The following NRG4 variants were observed in gnomAD, a reference collection of about 807,000 sequenced individuals.
The protein encoded by NRG4 is neuregulin 4.
Under a neutral mutation model 15.0 loss-of-function variants are expected in NRG4, and 10 were observed. That is an observed-to-expected ratio of 0.67 (90% CI 0.41 to 1.13). The LOEUF (loss-of-function observed/expected upper bound fraction) is 1.13, where lower values mean the gene tolerates loss of function less well. NRG4 is among the 50% of genes most tolerant of loss of function. The probability of loss-of-function intolerance (pLI) is 0.00; values close to 1 mark genes in which losing one functional copy is unlikely to be tolerated. For missense variants in NRG4, 139 were observed against 140.2 expected (o/e 0.99, Z 0.04); for synonymous variants, 41 against 50.1 (o/e 0.82, Z 0.77).
At chr15:75,952,135 G>A (rs2031938396) in intron 5 of NRG4, among the ~76,000 whole-genome samples, 1 of 151,988 alleles carries the variant, frequency 6.6e-6, no homozygotes, top group South Asian at 2.1e-4. Context: ...CAATTCAATG[G>A]CTTTTAGTAT....
intron 3 of NRG4, chr15:76,005,833 G>A: frequency 2.5e-6 from 1 of 400,946 alleles, no homozygotes; most frequent in South Asian, 2.0e-5. Context: ...GAAAGAGGAG[G>A]AGTTGGCAGG....
intron 2 of NRG4, chr15:76,053,396 C>G (rs1465679931): frequency 6.6e-6 from 1 of 150,768 alleles, no homozygotes; most frequent in Non-Finnish European, 1.5e-5. Context: ...ATAACTATAA[C>G]TCCCCAATGG....
chr15:76,029,228 G>A (rs1179764063), intron 5 of NRG4, among the ~76,000 whole-genome samples: 2 of 152,124 alleles, frequency 1.3e-5, no homozygotes, highest in Non-Finnish European at 1.5e-5. Context: ...GTGCAGAAAA[G>A]AGCATTTGAT....
chr15:75,997,757 G>A (rs1050447625), intron 3 of NRG4, among the ~76,000 whole-genome samples: 2 of 152,148 alleles, frequency 1.3e-5, no homozygotes, highest in Non-Finnish European at 2.9e-5. Flanking sequence ...CCTGACACCT[G>A]GAGAACATGG....
chr15:76,006,482 T>G (rs913568360), intron 3 of NRG4, among the ~76,000 whole-genome samples: 1 of 152,164 alleles, frequency 6.6e-6, no homozygotes, highest in African/African-American at 2.4e-5. Context: ...TTTTTATCCT[T>G]TTTTCTCAGT....
At chr15:76,026,723 G>A (rs1168003877) in intron 5 of NRG4, among the ~76,000 whole-genome samples, 1 of 152,090 alleles carries the variant, frequency 6.6e-6, no homozygotes, top group East Asian at 1.9e-4. Flanking sequence ...AAAACTACCA[G>A]AAAACAAACA....
chr15:75,941,136 A>C lies in NRG4; in HGVS notation c.*2502T>G, dbSNP rs1311847984. 1 of 152,198 alleles carries C rather than the reference A, an allele frequency of 6.6e-6. No individual in the cohort carries two copies. The highest frequency in any genetic ancestry group is 1.5e-5 in the Non-Finnish European group (1 of 67,994). The allele number at this position is 152,198 out of a possible 1,614,324, so 9.4% of individuals were successfully genotyped here. On this transcript the variant is annotated 3_prime_UTR_variant, in exon 6 of 6. Transcript: ENST00000394907. ...AAAAAATGGCAAAGGATTTGGATAG[A>C]TCTCCAGAGAGGACATGCAGATAGC...
upstream of NRG4, among the ~76,000 whole-genome samples, chr15:76,013,792 G>A (rs545804591): frequency 5.8e-4 from 88 of 152,226 alleles, no homozygotes; most frequent in Non-Finnish European, 9.4e-4. Context: ...GAACAGTGCC[G>A]CAATAAACAT....
chr15:75,987,443 C>A (rs2033837029), intron 3 of NRG4, among the ~76,000 whole-genome samples: 1 of 152,118 alleles, frequency 6.6e-6, no homozygotes, highest in South Asian at 2.1e-4. Flanking sequence ...ATGTTGAAAT[C>A]ATACCTCCAA....
chr15:76,040,614 C>T (rs767045144), intron 4 of NRG4, among the ~76,000 whole-genome samples: 1 of 152,030 alleles, frequency 6.6e-6, no homozygotes, highest in East Asian at 1.9e-4. Context: ...AAATGATGAA[C>T]CAATCAAAAA....
intron 3 of NRG4, among the ~76,000 whole-genome samples, chr15:76,005,317 G>A (rs1252923568): frequency 1.3e-5 from 2 of 151,128 alleles, no homozygotes; most frequent in Non-Finnish European, 2.9e-5. Flanking sequence ...AGGAGTTTGA[G>A]GTTGCAGTGA....
chr15:76,039,952 T>G, intron 4 of NRG4, among the ~76,000 whole-genome samples: 1 of 152,088 alleles, frequency 6.6e-6, no homozygotes, highest in Non-Finnish European at 1.5e-5. Context: ...GAGAATCATT[T>G]GAACCCGGAG....
rs531263444 is a variant in NRG4 at position 76,010,758 on chromosome 15, G to A, written c.10+463C>T. On this transcript the variant is annotated intron_variant, in intron 2 of 5. Coordinates refer to ENST00000394907, the MANE Select transcript of NRG4 (RefSeq NM_138573.4). Reference sequence around the variant, plus strand: ...TTAACATTACATCAGCATCAAAGGCGTCATCATATATGGTTTTCCACTGAG... The same window carrying A: ...TTAACATTACATCAGCATCAAAGGCATCATCATATATGGTTTTCCACTGAG... Among the ~76,000 whole-genome samples the A allele has an allele frequency of 1.6e-4, 24 of 152,142 alleles. No homozygotes were observed. In the East Asian group the frequency reaches 3.5e-3, roughly 22 times the overall value.
At chr15:75,965,248 A>G (rs1197451943) in intron 3 of NRG4, among the ~76,000 whole-genome samples, 1 of 152,184 alleles carries the variant, frequency 6.6e-6, no homozygotes, top group Non-Finnish European at 1.5e-5. Context: ...AGAAAAAAAG[A>G]TAAGCCAGCT....
intron 3 of NRG4, among the ~76,000 whole-genome samples, chr15:75,999,207 C>A (rs1403437893): frequency 6.6e-6 from 1 of 152,110 alleles, no homozygotes; most frequent in African/African-American, 2.4e-5. Flanking sequence ...TAGCAGTAAA[C>A]ATATAGATAA....
intron 3 of NRG4, among the ~76,000 whole-genome samples, chr15:75,975,332 C>A (rs548635957): frequency 6.6e-6 from 1 of 152,166 alleles, no homozygotes; most frequent in African/African-American, 2.4e-5. Flanking sequence ...TTAATTGGGG[C>A]ATTTAGCCCA....
chr15:75,959,063 C>A, intron 4 of NRG4: 1 of 325,618 alleles, frequency 3.1e-6, no homozygotes, highest in Non-Finnish European at 6.2e-6. Context: ...TTAACTGCAG[C>A]CTCTCATTCC....
chr15:75,954,703 G>C (rs2032128275), intron 5 of NRG4, among the ~76,000 whole-genome samples: 1 of 152,066 alleles, frequency 6.6e-6, no homozygotes, highest in African/African-American at 2.4e-5. Context: ...GGGATTACAG[G>C]TATGAGCCAC....
At chr15:76,011,315 G>C in intron 1 of NRG4, 29 bp from the exon 2 acceptor site, 1 of 1,129,904 alleles carries the variant, frequency 8.9e-7, no homozygotes, top group Non-Finnish European at 1.2e-6. Context: ...TAATAATTCA[G>C]GGAAAATAGT....
Sources: allele counts gnomAD v4.1 joint callset (sites outside exome capture counted in the v4.1 genomes callset), GRCh38; gene constraint gnomAD v4.1.1; transcripts MANE v1.5; gene names NCBI Gene and HGNC (gene_info 2026-07-23, HGNC 2026-07-21).